The following ZSWIM6 variants were observed in gnomAD, a reference collection of about 807,000 sequenced individuals.
The protein encoded by ZSWIM6 is zinc finger SWIM-type containing 6.
In ZSWIM6, 9 loss-of-function variants were observed where a neutral mutation model predicts 113.2. The observed-to-expected ratio is 0.08, with a 90% CI of 0.05 to 0.14. ZSWIM6 has a LOEUF of 0.14. Ranked by LOEUF, ZSWIM6 falls within the 10% of genes least tolerant of loss-of-function variation. ZSWIM6 has a pLI of 1.00. For synonymous variants in ZSWIM6, 611 were observed against 606.5 expected, an observed-to-expected ratio of 1.01 and a Z score of -0.11; for missense variants, 1,162 against 1,552.2, an observed-to-expected ratio of 0.75 and a Z score of 4.22.
intron 1 of ZSWIM6, among the ~76,000 whole-genome samples, chr5:61,336,452 A>T (rs1266448703): frequency 6.6e-6 from 1 of 152,042 alleles, no homozygotes; most frequent in African/African-American, 2.4e-5. Context: ...AAAGAGATAA[A>T]TTTAATTGGA....
intron 1 of ZSWIM6, among the ~76,000 whole-genome samples, chr5:61,348,479 TC>T (rs1190071769): frequency 2.0e-5 from 3 of 152,126 alleles, no homozygotes; most frequent in African/African-American, 4.8e-5. Flanking sequence ...CCTTCATACT[TC>T]CTGTTAAAGA....
rs958576587 is a variant in ZSWIM6 at position 61,456,541 on chromosome 5, G to A, written c.677-16140G>A. Reference sequence around the variant, plus strand: ...ATAAGTGGTCCAGGTAGCGTTTACAGTTGCTGGGGAATACAGCTGCCACAA... The same window carrying A: ...ATAAGTGGTCCAGGTAGCGTTTACAATTGCTGGGGAATACAGCTGCCACAA... On this transcript the variant is annotated intron_variant, in intron 1 of 13. Coordinates refer to ENST00000252744, the MANE Select transcript of ZSWIM6 (RefSeq NM_020928.2). 3.3e-5 allele frequency among the ~76,000 whole-genome samples: 5 copies of A among 152,342 alleles called. No homozygotes were observed. In the East Asian group the frequency reaches 7.7e-4, roughly 24 times the overall value.
intron 1 of ZSWIM6, among the ~76,000 whole-genome samples, chr5:61,430,475 C>T (rs2112134487): frequency 6.6e-6 from 1 of 152,188 alleles, no homozygotes; most frequent in Non-Finnish European, 1.5e-5. Flanking sequence ...TTATATTTTA[C>T]ATAATATTAT....
At chr5:61,368,990 A>G (rs1745213239) in intron 1 of ZSWIM6, among the ~76,000 whole-genome samples, 2 of 152,250 alleles carry the variant, frequency 1.3e-5, no homozygotes, top group South Asian at 2.1e-4. Context: ...TAATGTGTGA[A>G]GGGAGCATGT....
At chr5:61,491,897 T>C (rs1226775644) in intron 3 of ZSWIM6, among the ~76,000 whole-genome samples, 1 of 152,028 alleles carries the variant, frequency 6.6e-6, no homozygotes, top group Admixed American at 6.6e-5. Flanking sequence ...ATCAATACCA[T>C]GTTCATAAAG....
At chr5:61,344,453 C>T (rs1303191989) in intron 1 of ZSWIM6, among the ~76,000 whole-genome samples, 1 of 152,176 alleles carries the variant, frequency 6.6e-6, no homozygotes, top group Non-Finnish European at 1.5e-5. Flanking sequence ...CAACTTGCCT[C>T]ACAGCTCCAG....
chr5:61,491,960 A>G (rs1748190414), intron 3 of ZSWIM6, among the ~76,000 whole-genome samples: 1 of 152,050 alleles, frequency 6.6e-6, no homozygotes, highest in African/African-American at 2.4e-5. Context: ...ATTAGATTAC[A>G]ATAAAATACA....
intron 1 of ZSWIM6, among the ~76,000 whole-genome samples, chr5:61,364,936 C>T (rs1248700158): frequency 6.6e-6 from 1 of 152,102 alleles, no homozygotes; most frequent in African/African-American, 2.4e-5. Context: ...GGTCTAATGG[C>T]AGAGTTGAGT....
chr5:61,391,040 T>C (rs1745696978), intron 1 of ZSWIM6: 1 of 745,442 alleles, frequency 1.3e-6, no homozygotes, highest in Admixed American at 1.7e-5. Flanking sequence ...TTGATCTCAG[T>C]GCTGTGACAG....
chr5:61,532,862 TCA>T (rs1383573345), intron 9 of ZSWIM6, among the ~76,000 whole-genome samples: 1 of 152,198 alleles, frequency 6.6e-6, no homozygotes, highest in Non-Finnish European at 1.5e-5. Context: ...CTGTTTTCTT[TCA>T]GTTTTCTCCC....
chr5:61,366,948 C>T (rs972360455), intron 1 of ZSWIM6, among the ~76,000 whole-genome samples: 1 of 145,162 alleles, frequency 6.9e-6, no homozygotes, highest in Non-Finnish European at 1.5e-5. Context: ...AAAAAAAAGG[C>T]ACAGAAGGCA....
chr5:61,357,422 G>T (rs1744938214), intron 1 of ZSWIM6, among the ~76,000 whole-genome samples: 1 of 152,094 alleles, frequency 6.6e-6, no homozygotes, highest in Non-Finnish European at 1.5e-5. Context: ...GCAAGTAGGA[G>T]CTGGAGCCAT....
At chr5:61,540,925 T>G (rs1238949217) in intron 12 of ZSWIM6, among the ~76,000 whole-genome samples, 8 of 106,816 alleles carry the variant, frequency 7.5e-5, no homozygotes, top group East Asian at 6.0e-4. Flanking sequence ...GGTTTTTTTT[T>G]TTTTTTTTTT....
At chr5:61,415,385 G>A (rs1235067472) in intron 1 of ZSWIM6, among the ~76,000 whole-genome samples, 1 of 152,176 alleles carries the variant, frequency 6.6e-6, no homozygotes, top group Non-Finnish European at 1.5e-5. Flanking sequence ...CTGAGGTCAG[G>A]AGATCGAGGC....
rs1361205523 is a variant in ZSWIM6 at position 61,438,628 on chromosome 5, T to C, written c.677-34053T>C. On this transcript the variant is annotated intron_variant, in intron 1 of 13. Coordinates refer to ENST00000252744, the MANE Select transcript of ZSWIM6 (RefSeq NM_020928.2). ...GAGCAAACAGGCAATGAACAACATA[T>C]AATTCTGTATATTATGCAGAGATAT... Among the ~76,000 whole-genome samples, 7 of 152,338 alleles carry C rather than the reference T, an allele frequency of 4.6e-5. No homozygotes were observed. The East Asian group carries it at 1.2e-3, about 25-fold the overall frequency.
chr5:61,525,669 C>T lies in ZSWIM6; in HGVS notation c.1514-131C>T, dbSNP rs528956975. The T allele has an allele frequency of 1.4e-5, 15 of 1,047,000 alleles. No individual in the cohort carries two copies. The African/African-American group carries it at 1.7e-4, about 12-fold the overall frequency. 64.9% of individuals were successfully genotyped at this position (1,047,000 alleles called of 1,614,324 possible). ...AGGATGTGAGAGTATTCACCCTTCA[C>T]CCTTCTGCTTAGGGGGTGCAGGACA... On this transcript the variant is annotated intron_variant, in intron 5 of 13. Coordinates refer to ENST00000252744, the MANE Select transcript of ZSWIM6 (RefSeq NM_020928.2).
chr5:61,438,856 T>C (rs1426053468), intron 1 of ZSWIM6, among the ~76,000 whole-genome samples: 2 of 152,176 alleles, frequency 1.3e-5, no homozygotes, highest in African/African-American at 4.8e-5. Context: ...CAGGTTGTGC[T>C]GAGATGTGCT....
intron 1 of ZSWIM6, among the ~76,000 whole-genome samples, chr5:61,368,326 T>C (rs1745201549): frequency 6.6e-6 from 1 of 152,214 alleles, no homozygotes; most frequent in African/African-American, 2.4e-5. Context: ...ATTTTAAAAT[T>C]TAGAAACATT....
intron 1 of ZSWIM6, among the ~76,000 whole-genome samples, chr5:61,354,991 C>T (rs1281138831): frequency 6.6e-6 from 1 of 152,090 alleles, no homozygotes. Flanking sequence ...TTTTACAGAT[C>T]ATGAGTAATT....
Sources: gnomAD v4.1 joint callset for allele counts (sites outside exome capture counted in the v4.1 genomes callset) on GRCh38, gnomAD v4.1.1 for gene constraint, MANE v1.5 for transcripts, NCBI Gene and HGNC (gene_info 2026-07-23, HGNC 2026-07-21) for gene names.